Variants in MCUB observed in about 807,000 individuals in gnomAD.
MCUB encodes calcium uniporter regulatory subunit MCUb, mitochondrial.
MCUB carries 46 observed loss-of-function variants against 41.4 expected under a neutral mutation model. The ratio of observed to expected loss-of-function variants is 1.11; its 90% CI spans 0.88 to 1.42. The LOEUF (loss-of-function observed/expected upper bound fraction) is 1.42, where lower values mean the gene tolerates loss of function less well. Ranked by LOEUF, MCUB falls within the 40% of genes most tolerant of loss-of-function variation. The pLI, the probability that MCUB is intolerant of heterozygous loss-of-function variation, is 0.00. For missense variants in MCUB, 403 were observed against 404.9 expected, an observed-to-expected ratio of 1.00 and a Z score of 0.04; for synonymous variants, 148 against 148.2, an observed-to-expected ratio of 1.00 and a Z score of 0.01.
At position 109,656,460 on chromosome 4, in the gene MCUB, G is replaced by A. The variant is rs1159398756; in HGVS notation, c.100-2551G>A. Among the ~76,000 whole-genome samples the A allele has an allele frequency of 1.5e-4, 20 of 135,902 alleles. No individual in the cohort carries two copies. The Admixed American group carries it at 1.5e-3, about 10-fold the overall frequency. 89.2% of individuals were successfully genotyped at this position (135,902 alleles called of 152,430 possible). ...GCTACAATCTCGGTTCACTGCAGCCGCCTCCTCCTGGGCTCAAGCAATCCT... is the reference window on the plus strand; with the variant it reads ...GCTACAATCTCGGTTCACTGCAGCCACCTCCTCCTGGGCTCAAGCAATCCT... On this transcript the variant is annotated intron_variant, in intron 1 of 7. Coordinates refer to ENST00000394650, the MANE Select transcript of MCUB (RefSeq NM_017918.5).
intron 1 of MCUB, among the ~76,000 whole-genome samples, chr4:109,572,812 ATT>A (rs1726945387): frequency 5.3e-5 from 8 of 152,134 alleles, no homozygotes; most frequent in Non-Finnish European, 1.0e-4. Flanking sequence ...CTACAATATA[ATT>A]ATTGCTTTAT....
intron 1 of MCUB, among the ~76,000 whole-genome samples, chr4:109,652,577 G>C (rs1728984234): frequency 6.6e-6 from 1 of 152,128 alleles, no homozygotes; most frequent in Non-Finnish European, 1.5e-5. Flanking sequence ...GAAGGTGAAA[G>C]GGCAAGAGGC....
rs1579079572 is a variant in MCUB, at chr4:109,643,236, A to C, written c.100-15775A>C. Among the ~76,000 whole-genome samples the C allele has an allele frequency of 2.6e-5, 4 of 151,736 alleles. No individual in the cohort carries two copies. In the South Asian group the frequency reaches 8.3e-4, roughly 32 times the overall value. ...GGAGTTTCCCTGTCGCCCAGGCTGG[A>C]GTACAATGGCGCAATCTTGGCTCAC... On this transcript the variant is annotated intron_variant, in intron 1 of 7. Coordinates refer to ENST00000394650, the MANE Select transcript of MCUB (RefSeq NM_017918.5).
intron 1 of MCUB, among the ~76,000 whole-genome samples, chr4:109,636,496 A>G (rs1037673367): frequency 6.6e-6 from 1 of 152,202 alleles, no homozygotes; most frequent in Non-Finnish European, 1.5e-5. Context: ...AACTGAGAAA[A>G]TATAATCAGA....
At chr4:109,590,190 AG>A (rs78593094) in intron 1 of MCUB, among the ~76,000 whole-genome samples, 3 of 67,132 alleles carry the variant, frequency 4.5e-5, no homozygotes, top group Non-Finnish European at 1.4e-4. Flanking sequence ...TCTAAGAGTA[AG>A]TAATAACCCT....
At position 109,573,867 on chromosome 4, in the gene MCUB, A is replaced by ATTTT. The variant is rs70954166; in HGVS notation, c.99+13451_99+13454dup. Among the ~76,000 whole-genome samples the ATTTT allele has an allele frequency of 7.6e-3, 852 of 112,460 alleles. 26 individuals are homozygous for ATTTT. Among genetic ancestry groups the ATTTT allele is most frequent in the African/African-American group, 0.028 (789 of 27,926 alleles). The allele number at this position is 112,460 out of a possible 152,430, so 73.8% of individuals were successfully genotyped here. A position where few individuals can be genotyped will look rare whatever the true frequency, so the allele number is the denominator to read the frequency against. On this transcript the variant is annotated intron_variant, in intron 1 of 7. Transcript: ENST00000394650. Reference sequence around the variant, plus strand: ...TGTAGGAGATGATTAAAAGGGTTGAATTTTTTTTTTTTTTTTTTTTTTTGA... The same window carrying ATTTT: ...TGTAGGAGATGATTAAAAGGGTTGAATTTTTTTTTTTTTTTTTTTTTTTTTTTGA...
chr4:109,614,672 C>T (rs1579066538), intron 1 of MCUB, among the ~76,000 whole-genome samples: 1 of 149,862 alleles, frequency 6.7e-6, no homozygotes, highest in Non-Finnish European at 1.5e-5. Flanking sequence ...GACTCAAGGT[C>T]GTGCTTGTGG....
intron 1 of MCUB, among the ~76,000 whole-genome samples, chr4:109,628,763 C>A (rs6533441): frequency 0.51 from 77,252 of 151,996 alleles, 20,076 homozygotes; most frequent in South Asian, 0.68. Flanking sequence ...CAAAATTGAG[C>A]TTTTCTTGAG....
At chr4:109,675,171 T>C (rs948281495) in intron 4 of MCUB, among the ~76,000 whole-genome samples, 1 of 152,258 alleles carries the variant, frequency 6.6e-6, no homozygotes, top group Non-Finnish European at 1.5e-5. Flanking sequence ...ACAAATGTTA[T>C]GAGTCAGTTT....
At chr4:109,580,148 C>G (rs969824236) in intron 1 of MCUB, among the ~76,000 whole-genome samples, 6 of 152,138 alleles carry the variant, frequency 3.9e-5, no homozygotes, top group Middle Eastern at 3.2e-3. Context: ...TCTGTCCTTG[C>G]AATAGTTTGC....
chr4:109,660,018 A>G (rs1360449423), intron 2 of MCUB, among the ~76,000 whole-genome samples, 177 bp from the exon 3 acceptor site: 2 of 152,200 alleles, frequency 1.3e-5, no homozygotes, highest in African/African-American at 2.4e-5. Flanking sequence ...ATGTTATAGA[A>G]TGGTAGGGAA....
chr4:109,614,406 C>G (rs538789244), intron 1 of MCUB, among the ~76,000 whole-genome samples: 5 of 151,876 alleles, frequency 3.3e-5, no homozygotes, highest in Non-Finnish European at 7.4e-5. Context: ...GAGGATAGAG[C>G]TCTCATGGTT....
intron 1 of MCUB, among the ~76,000 whole-genome samples, chr4:109,635,040 A>T (rs894958678): frequency 7.7e-4 from 116 of 151,298 alleles, no homozygotes; most frequent in African/African-American, 2.8e-3. Context: ...CTTATGAGTT[A>T]GAACATGTGG....
rs577695178 is a variant in MCUB, at chr4:109,604,543, A to G, written c.99+44107A>G. On this transcript the variant is annotated intron_variant, in intron 1 of 7. Transcript: ENST00000394650. ...TGGTCTGATTGCTCTAGTTAGGACT[A>G]TCAATACTATGGTAAATAACAGTGG... Among the ~76,000 whole-genome samples the G allele has an allele frequency of 1.1e-4, 17 of 152,280 alleles. No individual in the cohort carries two copies. In the South Asian group the frequency reaches 3.5e-3, roughly 32 times the overall value.
At chr4:109,574,394 A>G (rs920605375) in intron 1 of MCUB, among the ~76,000 whole-genome samples, 3 of 152,126 alleles carry the variant, frequency 2.0e-5, no homozygotes, top group African/African-American at 4.8e-5. Context: ...AGGACTCCCA[A>G]GTTTCTAAAA....
intron 1 of MCUB, among the ~76,000 whole-genome samples, chr4:109,578,832 G>GA (rs1215279487): frequency 6.6e-6 from 1 of 152,066 alleles, no homozygotes; most frequent in African/African-American, 2.4e-5. Flanking sequence ...TTGAAGCACA[G>GA]AAATAGACAT....
chr4:109,577,990 T>C (rs557501448), intron 1 of MCUB, among the ~76,000 whole-genome samples: 1 of 152,344 alleles, frequency 6.6e-6, no homozygotes, highest in East Asian at 1.9e-4. Flanking sequence ...CAGTTTTATG[T>C]GGAAAACTTC....
chr4:109,667,730 C>T (rs754052507), intron 4 of MCUB, among the ~76,000 whole-genome samples: 6 of 150,858 alleles, frequency 4.0e-5, no homozygotes, highest in Non-Finnish European at 8.9e-5. Context: ...TCTCTAGTTT[C>T]TTAAAGTATA....
intron 1 of MCUB, among the ~76,000 whole-genome samples, chr4:109,562,288 C>A (rs1379121945): frequency 1.3e-5 from 2 of 152,126 alleles, no homozygotes; most frequent in African/African-American, 4.8e-5. Context: ...TAGGAATCAT[C>A]GTAAGAAGCG....
Sources: allele counts gnomAD v4.1 joint callset (sites outside exome capture counted in the v4.1 genomes callset), GRCh38; gene constraint gnomAD v4.1.1; transcripts MANE v1.5; gene names NCBI Gene and HGNC (gene_info 2026-07-23, HGNC 2026-07-21).